DPYSL4: variants seen among roughly 807,000 people sequenced by gnomAD.
DPYSL4 encodes dihydropyrimidinase-related protein 4.
Under a neutral mutation model 63.4 loss-of-function variants are expected in DPYSL4, and 43 were observed. That is an observed-to-expected ratio of 0.68 (90% CI 0.53 to 0.88). The LOEUF (loss-of-function observed/expected upper bound fraction) is 0.88. DPYSL4 is among the 40% of genes least tolerant of loss of function. The probability of loss-of-function intolerance (pLI) is 0.00; values close to 1 mark genes in which losing one functional copy is unlikely to be tolerated. For missense variants in DPYSL4, 733 were observed against 819.5 expected (o/e 0.89, Z 1.29); for synonymous variants, 353 against 331.7 (o/e 1.06, Z -0.70).
Position 132,198,990 on chromosome 10 carries a change from C to A in DPYSL4, c.811+19C>A. 6.2e-7 allele frequency: 1 copy of A among 1,601,880 alleles called. No homozygotes were observed. Among genetic ancestry groups the A allele is most frequent in the Non-Finnish European group, 8.5e-7 (1 of 1,172,676 alleles). On this transcript the variant is annotated intron_variant, in intron 8 of 13. Transcript: ENST00000338492. ...CGCAGAGGTGAGCACCCAGCCCCGC[C>A]TCTGATGCCGAGGGGCCATGGTCTC...
chr10:132,187,140 G>A (rs926696614), intron 1 of DPYSL4, 38 bp downstream of exon 1: 4 of 1,483,690 alleles, frequency 2.7e-6, no homozygotes, highest in Admixed American at 4.0e-5. Context: ...CCCCCTGCCC[G>A]CCGCCCGGAG....
intron 4 of DPYSL4, among the ~76,000 whole-genome samples, chr10:132,196,185 G>A (rs946897425): frequency 3.3e-5 from 5 of 152,356 alleles, no homozygotes; most frequent in African/African-American, 1.2e-4. Context: ...GTGATGGGAG[G>A]TTGGGATCCT....
intron 7 of DPYSL4, 54 bp from the exon 8 acceptor site, chr10:132,198,797 G>A (rs2061976308): frequency 6.2e-7 from 1 of 1,602,970 alleles, no homozygotes; most frequent in African/African-American, 1.3e-5. Context: ...TGCCCACACT[G>A]GTCTGGAGCC....
chr10:132,194,024 G>A (rs2061909934), intron 3 of DPYSL4, among the ~76,000 whole-genome samples: 1 of 152,386 alleles, frequency 6.6e-6, no homozygotes, highest in South Asian at 2.1e-4. Flanking sequence ...TCGTGCCAGT[G>A]CCAAGGCACC....
intron 6 of DPYSL4, 150 bp downstream of exon 6, chr10:132,197,251 C>A (rs1299423863): frequency 2.8e-6 from 2 of 704,684 alleles, no homozygotes; most frequent in Non-Finnish European, 4.5e-6. Flanking sequence ...AGGGTCATAG[C>A]TTACCCCGAG....
At chr10:132,196,945 G>T (rs1178255721) in intron 5 of DPYSL4, 23 bp downstream of exon 5, 8 of 1,613,662 alleles carry the variant, frequency 5.0e-6, no homozygotes, top group Middle Eastern at 1.6e-4. Flanking sequence ...GTGGGGAACG[G>T]AGTGGGCAGG....
In DPYSL4 at chr10:132,195,086, C is replaced by T. The variant is rs10159921; in HGVS notation, c.478+77C>T. 7.7e-4 allele frequency: 1,153 copies of T among 1,495,772 alleles called. 5 individuals are homozygous for T. In the African/African-American group the frequency reaches 0.013, roughly 16 times the overall value. 92.7% of individuals were successfully genotyped at this position (1,495,772 alleles called of 1,614,324 possible). On this transcript the variant is annotated intron_variant, in intron 4 of 13. Coordinates refer to ENST00000338492, the MANE Select transcript of DPYSL4 (RefSeq NM_006426.3). ...CCTCTGCCCTGACCCTGTGTTCTGC[C>T]GATGGTGCTGCTCTGCCCTGGGGGC...
intron 2 of DPYSL4, among the ~76,000 whole-genome samples, chr10:132,191,878 G>A (rs59755212): frequency 7.1e-6 from 1 of 140,472 alleles, no homozygotes. Flanking sequence ...CGCTGGTCAT[G>A]TGGTATCCAG....
At chr10:132,190,862 C>T (rs1351298917) in intron 2 of DPYSL4, 27 bp downstream of exon 2, 11 of 1,603,526 alleles carry the variant, frequency 6.9e-6, no homozygotes, top group African/African-American at 5.4e-5. Context: ...AATGAAAATA[C>T]GTTCCCAGCT....
chr10:132,198,866 G>A lies in DPYSL4; in HGVS notation c.706G>A (p.Val236Met), dbSNP rs2061977156. Residue 236 changes from valine (V) to methionine (M), a missense_variant, in exon 8 of 14, where the codon GTG becomes ATG. Val to Met is a conservative substitution (Grantham distance 21). Transcript: ENST00000338492. Reference protein sequence around the residue: ...SHPEEVEAEAVYRAVTIAKQA... With the variant: ...SHPEEVEAEAMYRAVTIAKQA... ...TCGTCCCCAGGTGGAGGCTGAGGCG[G>A]TGTACCGAGCTGTCACCATCGCCAA... 6.2e-7 allele frequency: 1 copy of A among 1,612,956 alleles called. No homozygotes were observed. Among genetic ancestry groups the A allele is most frequent in the Non-Finnish European group, 8.5e-7 (1 of 1,179,914 alleles).
At chr10:132,201,618 G>A (rs111849175) in intron 10 of DPYSL4, among the ~76,000 whole-genome samples, 2,016 of 152,368 alleles carry the variant, frequency 0.013, 46 homozygotes, top group African/African-American at 0.045. Flanking sequence ...TTACTCAGGC[G>A]TTCTTACCCT....
In DPYSL4 at chr10:132,192,697, GACCATTGAC is replaced by G; in HGVS notation, c.169_177del (p.Thr57_Asp59del). The G allele has an allele frequency of 1.2e-6, 2 of 1,612,986 alleles. No homozygotes were observed. The highest frequency in any genetic ancestry group is 1.1e-5 in the South Asian group (1 of 91,032). Reference sequence around the variant, plus strand: ...ACCTCATCGTCCCTGGGGGCATCAAGACCATTGACGCCCACGGCCTGATGGTCCTTCCTG... The same window carrying G: ...ACCTCATCGTCCCTGGGGGCATCAAGGCCCACGGCCTGATGGTCCTTCCTG... On this transcript the variant is annotated inframe_deletion, in exon 3 of 14. Transcript: ENST00000338492.
rs9665056 is a variant in DPYSL4 at position 132,197,205 on chromosome 10, C to A, written c.621+104C>A. On this transcript the variant is annotated intron_variant, in intron 6 of 13. Transcript: ENST00000338492. ...GTCTGAGGGTGACTTTCATGATACGCAGACATCAGCACAGAATCCCACAAA... is the reference window on the plus strand; with the variant it reads ...GTCTGAGGGTGACTTTCATGATACGAAGACATCAGCACAGAATCCCACAAA... 7,394 of 1,000,314 alleles carry A rather than the reference C, an allele frequency of 7.4e-3. 38 individuals are homozygous for A. The highest frequency in any genetic ancestry group is 9.0e-3 in the Non-Finnish European group (6,338 of 701,152). 62.0% of individuals were successfully genotyped at this position (1,000,314 alleles called of 1,614,324 possible).
At chr10:132,187,214 C>A in intron 1 of DPYSL4, 112 bp downstream of exon 1, 1 of 725,434 alleles carries the variant, frequency 1.4e-6, no homozygotes. Flanking sequence ...CCTGCCTTTG[C>A]GTCTGGTCCC....
chr10:132,203,716 A>T, intron 12 of DPYSL4, 46 bp from the exon 13 acceptor site: 1 of 1,471,884 alleles, frequency 6.8e-7, no homozygotes, highest in Non-Finnish European at 9.1e-7. Flanking sequence ...ACAGCTGCCC[A>T]GGCTCAGCCC....
At chr10:132,202,875 A>C in intron 12 of DPYSL4, 50 bp downstream of exon 12, 3 of 1,548,630 alleles carry the variant, frequency 1.9e-6, no homozygotes, top group African/African-American at 1.4e-5. Context: ...GTGGGCGCTG[A>C]GTTCTAGGCC....
intron 3 of DPYSL4, among the ~76,000 whole-genome samples, chr10:132,194,356 A>C (rs774735727): frequency 3.8e-4 from 58 of 152,348 alleles, no homozygotes; most frequent in Non-Finnish European, 7.6e-4. Flanking sequence ...GGCTGTGTGC[A>C]GGGGGCAGGA....
intron 3 of DPYSL4, among the ~76,000 whole-genome samples, chr10:132,193,270 G>A (rs1310752532): frequency 2.0e-5 from 3 of 152,358 alleles, no homozygotes; most frequent in Admixed American, 2.0e-4. Context: ...AAGAGTTAAG[G>A]ATGGAGACTG....
intron 13 of DPYSL4, 75 bp downstream of exon 13, chr10:132,204,002 AGCCTGTGCCCAGAGGGGCT>A: frequency 6.6e-7 from 1 of 1,522,736 alleles, no homozygotes; most frequent in South Asian, 1.2e-5. Flanking sequence ...ACCAGGGCCC[AGCCTGTGCCCAGAGGGGCT>A]GCACACGGAA....
Sources: gnomAD v4.1 joint callset for allele counts (sites outside exome capture counted in the v4.1 genomes callset) on GRCh38, gnomAD v4.1.1 for gene constraint, MANE v1.5 for transcripts, NCBI Gene and HGNC (gene_info 2026-07-23, HGNC 2026-07-21) for gene names.